Variants in MROH1 observed in about 807,000 individuals in gnomAD.
MROH1 encodes the protein maestro heat-like repeat-containing protein family member 1.
In MROH1, 117 loss-of-function variants were observed where a neutral mutation model predicts 116.5. The ratio of observed to expected loss-of-function variants is 1.00; its 90% confidence interval spans 0.86 to 1.17. The LOEUF (loss-of-function observed/expected upper bound fraction) is 1.17. MROH1 is among the 50% of genes most tolerant of loss of function. The pLI, the probability that MROH1 is intolerant of heterozygous loss-of-function variation, is 0.00. For missense variants in MROH1, 1,873 were observed against 1,338.5 expected, an observed-to-expected ratio of 1.40 and a Z score of -6.23; for synonymous variants, 921 against 583.9, an observed-to-expected ratio of 1.58 and a Z score of -8.32.
At chr8:144,236,895 CCTT>C (rs1840126911) in intron 14 of MROH1, among the ~76,000 whole-genome samples, 1 of 131,150 alleles carries the variant, frequency 7.6e-6, no homozygotes, top group African/African-American at 3.0e-5. Context: ...CTCTCCTATT[CCTT>C]TTTTTTTTTT....
chr8:144,193,431 T>C (rs1829111996), intron 10 of MROH1: 1 of 152,118 alleles, frequency 6.6e-6, no homozygotes, highest in African/African-American at 2.4e-5. Flanking sequence ...CATTTGGAAA[T>C]AGGAAAAGAT....
intron 12 of MROH1, among the ~76,000 whole-genome samples, chr8:144,209,866 A>G (rs1241624849): frequency 3.3e-5 from 5 of 149,902 alleles, no homozygotes; most frequent in Admixed American, 6.8e-5. Context: ...TGACGGTGCC[A>G]CTGCATTTCA....
At chr8:144,185,921 G>A (rs1338368194) in intron 7 of MROH1, among the ~76,000 whole-genome samples, 1 of 150,326 alleles carries the variant, frequency 6.7e-6, no homozygotes, top group Non-Finnish European at 1.5e-5. Flanking sequence ...GGCGAGGGGC[G>A]ACGTGGGGAC....
chr8:144,249,704 C>A (rs1025431697), intron 32 of MROH1, among the ~76,000 whole-genome samples: 8 of 35,282 alleles, frequency 2.3e-4, no homozygotes, highest in African/African-American at 5.9e-4. Context: ...AACTCACAGC[C>A]CCCCCCAAGT....
chr8:144,222,826 A>C (rs578055770), intron 13 of MROH1, among the ~76,000 whole-genome samples: 1 of 152,038 alleles, frequency 6.6e-6, no homozygotes, highest in South Asian at 2.1e-4. Flanking sequence ...ATGTGGGTAC[A>C]GGCCCAGGTA....
At chr8:144,238,077 A>G (rs2132825531) in intron 14 of MROH1, among the ~76,000 whole-genome samples, 1 of 150,720 alleles carries the variant, frequency 6.6e-6, no homozygotes, top group South Asian at 2.1e-4. Flanking sequence ...CCTAATGGTC[A>G]GGATTTCAAA....
chr8:144,244,646 G>A, intron 28 of MROH1, 107 bp downstream of exon 28: 1 of 699,650 alleles, frequency 1.4e-6, no homozygotes, highest in Middle Eastern at 3.5e-4. Context: ...ACAGTTTGGT[G>A]CTCTCTGCAC....
chr8:144,199,734 T>C (rs1230066124), intron 11 of MROH1, among the ~76,000 whole-genome samples: 1 of 151,580 alleles, frequency 6.6e-6, no homozygotes. Flanking sequence ...GTCACCCTGC[T>C]GGGGCCACAG....
At chr8:144,243,444 A>ATAC (rs1841362095) in intron 24 of MROH1, 50 bp from the exon 25 acceptor site, 11 of 774,884 alleles carry the variant, frequency 1.4e-5, no homozygotes, top group African/African-American at 1.2e-4. Context: ...GCGCGGGTTC[A>ATAC]GCCCTGGAGG....
chr8:144,224,881 G>A (rs1837501801), intron 14 of MROH1, among the ~76,000 whole-genome samples: 1 of 152,130 alleles, frequency 6.6e-6, no homozygotes, highest in South Asian at 2.1e-4. Context: ...GGGCCACTGG[G>A]GAGGAGAAGA....
At chr8:144,191,683 G>A (rs1828638296) in intron 8 of MROH1, 32 bp from the exon 9 acceptor site, 2 of 1,608,836 alleles carry the variant, frequency 1.2e-6, no homozygotes, top group African/African-American at 2.7e-5. Flanking sequence ...TGACTGAGCA[G>A]CGTAAGCTTC....
In MROH1 at chr8:144,200,479, C is replaced by A. The variant is rs1238751544; in HGVS notation, c.1079C>A (p.Thr360Asn). 2 of 1,552,066 alleles carry A rather than the reference C, an allele frequency of 1.3e-6. No individual in the cohort carries two copies. The highest frequency in any genetic ancestry group is 4.9e-5 in the East Asian group (2 of 41,034). Residue 360 changes from threonine (T) to asparagine (N), a missense_variant, in exon 12 of 44, where the codon ACC becomes AAC. Thr to Asn is a moderately conservative substitution (Grantham distance 65). Coordinates refer to ENST00000326134, the MANE Select transcript of MROH1 (RefSeq NM_032450.3). Reference protein sequence around the residue: ...LLAFLLPRLDTSNERTRVGTL... With the variant: ...LLAFLLPRLDNSNERTRVGTL... ...GCCTTCCTGCTGCCCAGGCTGGACA[C>A]CAGCAATGAGAGGACCCGCGTGGGC...
rs1205735109 is a variant in MROH1 at position 144,175,279 on chromosome 8, C to T, written c.169-4176C>T. ...ATGGGTATAAATGCCCTGCTGCACC[C>T]AAGCTGCCCCTCCCAGCAACGGGTC... is the stretch of plus-strand genomic sequence containing the variant. On this transcript the variant is annotated intron_variant, in intron 4 of 43. Transcript: ENST00000326134. The T allele has an allele frequency of 4.2e-4, 244 of 574,298 alleles. No individual in the cohort carries two copies. The African/African-American group carries it at 5.0e-3, about 12-fold the overall frequency. 35.6% of individuals were successfully genotyped at this position (574,298 alleles called of 1,614,324 possible). A position where few individuals can be genotyped will look rare whatever the true frequency, so the allele number is the denominator to read the frequency against.
At chr8:144,238,117 A>ATT (rs1239318434) in intron 14 of MROH1, among the ~76,000 whole-genome samples, 8 of 148,464 alleles carry the variant, frequency 5.4e-5, no homozygotes, top group African/African-American at 2.0e-4. Flanking sequence ...TTCTATCTAT[A>ATT]TTTTTAGTGC....
At chr8:144,232,432 G>T (rs1554823141) in intron 14 of MROH1, among the ~76,000 whole-genome samples, 1 of 151,992 alleles carries the variant, frequency 6.6e-6, no homozygotes, top group Non-Finnish European at 1.5e-5. Flanking sequence ...ATCTTCTTTT[G>T]ACTGTTAGTA....
chr8:144,165,517 A>G (rs944669995), intron 3 of MROH1, among the ~76,000 whole-genome samples: 3 of 152,112 alleles, frequency 2.0e-5, no homozygotes, highest in Non-Finnish European at 4.4e-5. Flanking sequence ...TGATCCTCCT[A>G]CCTCGGCTTC....
At chr8:144,150,782 G>A (rs1005342597) in intron 1 of MROH1, among the ~76,000 whole-genome samples, 1 of 152,300 alleles carries the variant, frequency 6.6e-6, no homozygotes, top group Admixed American at 6.5e-5. Flanking sequence ...GAAGAGTGTG[G>A]TCCCTTATGG....
chr8:144,250,232 C>T lies in MROH1; in HGVS notation c.3294C>T (p.Val1098=), dbSNP rs948135747. Residue 1098 remains valine, a synonymous_variant, in exon 33 of 44, where the codon GTC becomes GTT. Transcript: ENST00000326134. The part of the protein sequence containing the change: ...LQEKVPEIVS[V]LRSKLQEAQG... The stretch of plus-strand genomic sequence containing the variant: ...TACAGGTGCCCGAGATCGTGAGCGT[C>T]CTGCGCTCCAAGCTTCAGGAGGCCC... 1.3e-6 allele frequency: 1 copy of T among 767,994 alleles called. No individual in the cohort carries two copies. Among genetic ancestry groups the T allele is most frequent in the Non-Finnish European group, 2.4e-6 (1 of 416,888 alleles). 47.6% of individuals were successfully genotyped at this position (767,994 alleles called of 1,614,324 possible). A position where few individuals can be genotyped will look rare whatever the true frequency, so the allele number is the denominator to read the frequency against.
chr8:144,192,449 C>T (rs959339603), intron 10 of MROH1, 48 bp downstream of exon 10: 27 of 1,493,450 alleles, frequency 1.8e-5, no homozygotes, highest in Admixed American at 1.6e-4. Context: ...CACACCCTTC[C>T]GTGGGAAGTT....
Sources: allele counts gnomAD v4.1 joint callset (sites outside exome capture counted in the v4.1 genomes callset), GRCh38; gene constraint gnomAD v4.1.1; transcripts MANE v1.5; gene names NCBI Gene and HGNC (gene_info 2026-07-23, HGNC 2026-07-21).